The following AGTPBP1 variants were observed in gnomAD, a reference collection of about 807,000 sequenced individuals.
The protein encoded by AGTPBP1 is cytosolic carboxypeptidase 1.
In AGTPBP1, 70 loss-of-function variants were observed where a neutral mutation model predicts 143.9. The ratio of observed to expected loss-of-function variants is 0.49; its 90% confidence interval spans 0.40 to 0.59. AGTPBP1 has a LOEUF of 0.59. Among genes scored for constraint, AGTPBP1 ranks in the 20% least tolerant of loss-of-function variants. The pLI is 0.00. For synonymous variants in AGTPBP1, 463 were observed against 500.2 expected (o/e 0.93, Z 0.99); for missense variants, 1,229 against 1,464.5 (o/e 0.84, Z 2.62).
intron 1 of AGTPBP1, among the ~76,000 whole-genome samples, chr9:85,727,097 T>C (rs1210090886): frequency 2.0e-5 from 3 of 152,100 alleles, no homozygotes; most frequent in South Asian, 2.1e-4. Context: ...CAGGATGAGG[T>C]GGTCAGGTCA....
At chr9:85,566,496 T>C (rs1039188750) in intron 25 of AGTPBP1, among the ~76,000 whole-genome samples, 3 of 135,738 alleles carry the variant, frequency 2.2e-5, no homozygotes, top group African/African-American at 9.2e-5. Context: ...TGCCACTGCA[T>C]TCCAGCCTGG....
intron 17 of AGTPBP1, among the ~76,000 whole-genome samples, chr9:85,612,789 GAGT>G: frequency 6.6e-6 from 1 of 152,204 alleles, no homozygotes; most frequent in East Asian, 1.9e-4. Context: ...GGTGTCTGGA[GAGT>G]AGAAGAACTG....
chr9:85,769,050 C>CAAA, the AGTPBP1 span, among the ~76,000 whole-genome samples: 2 of 60,116 alleles, frequency 3.3e-5, no homozygotes, highest in African/African-American at 5.3e-5. Context: ...GAGGCCCTGT[C>CAAA]AAAAAAAAAA....
At chr9:85,783,394 G>A in the AGTPBP1 span, among the ~76,000 whole-genome samples, 1 of 152,062 alleles carries the variant, frequency 6.6e-6, no homozygotes, top group African/African-American at 2.4e-5. Flanking sequence ...CCACATTTGA[G>A]CATAATTCTT....
chr9:85,799,299 G>A, the AGTPBP1 span, among the ~76,000 whole-genome samples: 17 of 152,268 alleles, frequency 1.1e-4, no homozygotes, highest in Admixed American at 2.0e-4. Flanking sequence ...ATACGTGTGT[G>A]TATGTCTTTA....
At chr9:85,753,860 A>G in the AGTPBP1 span, among the ~76,000 whole-genome samples, 3 of 152,280 alleles carry the variant, frequency 2.0e-5, no homozygotes, top group African/African-American at 7.2e-5. Context: ...TGCCGCCCAA[A>G]TGCAAAATTT....
chr9:85,694,523 T>C (rs1836104356), intron 2 of AGTPBP1, among the ~76,000 whole-genome samples: 1 of 152,202 alleles, frequency 6.6e-6, no homozygotes, highest in Non-Finnish European at 1.5e-5. Context: ...TTCACATCTC[T>C]GCACCATACA....
At chr9:85,721,439 T>A (rs1003233328) in intron 1 of AGTPBP1, among the ~76,000 whole-genome samples, 1 of 152,084 alleles carries the variant, frequency 6.6e-6, no homozygotes, top group African/African-American at 2.4e-5. Flanking sequence ...TCTCTTTTGA[T>A]CTTTGTTGGT....
chr9:85,770,818 A>G, the AGTPBP1 span, among the ~76,000 whole-genome samples: 4 of 151,928 alleles, frequency 2.6e-5, no homozygotes, highest in African/African-American at 9.7e-5. Context: ...TGGATGTTCT[A>G]CCTGGCACTC....
chr9:85,767,268 G>A, the AGTPBP1 span, among the ~76,000 whole-genome samples: 8 of 134,710 alleles, frequency 5.9e-5, no homozygotes, highest in South Asian at 6.9e-4. Context: ...CACTGCCTCC[G>A]TCTCCTGGGT....
chr9:85,729,018 A>G (rs548186815), intron 1 of AGTPBP1, among the ~76,000 whole-genome samples: 124 of 152,350 alleles, frequency 8.1e-4, no homozygotes, highest in African/African-American at 3.0e-3. Context: ...ACCTAAATAA[A>G]TAACATTAAT....
At chr9:85,661,907 T>C (rs978474875) in intron 8 of AGTPBP1, among the ~76,000 whole-genome samples, 10 of 152,310 alleles carry the variant, frequency 6.6e-5, no homozygotes, top group Middle Eastern at 3.4e-3. Flanking sequence ...TAAGCATTTG[T>C]TGAATGCCTA....
the AGTPBP1 span, among the ~76,000 whole-genome samples, chr9:85,752,115 T>A: frequency 6.6e-6 from 1 of 152,150 alleles, no homozygotes; most frequent in East Asian, 2.0e-4. Context: ...CATACGCCTA[T>A]AATACCAGCT....
chr9:85,673,885 C>G (rs1274277557), intron 6 of AGTPBP1, among the ~76,000 whole-genome samples: 1 of 151,960 alleles, frequency 6.6e-6, no homozygotes, highest in African/African-American at 2.4e-5. Flanking sequence ...CTTTGGGAGG[C>G]TGAGGTGGGT....
At chr9:85,758,623 G>A in the AGTPBP1 span, among the ~76,000 whole-genome samples, 22 of 152,174 alleles carry the variant, frequency 1.4e-4, no homozygotes, top group East Asian at 3.3e-3. Context: ...CAGTCTGGGC[G>A]ACAAGAGCAA....
chr9:85,674,497 A>C (rs909319267), intron 6 of AGTPBP1, among the ~76,000 whole-genome samples: 3 of 152,098 alleles, frequency 2.0e-5, no homozygotes, highest in African/African-American at 7.2e-5. Context: ...TCAATAAATA[A>C]GGGGTTTTTT....
At chr9:85,798,362 C>CTTTTTTTTTTTTTTTTTTTTTTT in the AGTPBP1 span, among the ~76,000 whole-genome samples, 2 of 119,268 alleles carry the variant, frequency 1.7e-5, no homozygotes, top group Non-Finnish European at 3.7e-5. Context: ...CCTCCAAGTT[C>CTTTTTTTTTTTTTTTTTTTTTTT]TTTTTTTTTT....
chr9:85,786,659 A>C, the AGTPBP1 span: 2 of 1,362,122 alleles, frequency 1.5e-6, no homozygotes, highest in African/African-American at 1.6e-5. Context: ...GCTCAAGTTC[A>C]CTACCTCTTT....
At chr9:85,683,782 A>C (rs924071761) in intron 3 of AGTPBP1, among the ~76,000 whole-genome samples, 1 of 152,166 alleles carries the variant, frequency 6.6e-6, no homozygotes, top group Non-Finnish European at 1.5e-5. Flanking sequence ...CTTATGGCCC[A>C]TAACCTCCTA....
Sources: gnomAD v4.1 joint callset for allele counts (sites outside exome capture counted in the v4.1 genomes callset) on GRCh38, gnomAD v4.1.1 for gene constraint, MANE v1.5 for transcripts, NCBI Gene and HGNC (gene_info 2026-07-23, HGNC 2026-07-21) for gene names.